SLC2A13: variants seen among roughly 807,000 people sequenced by gnomAD.
SLC2A13 encodes the protein solute carrier family 2 member 13.
A neutral mutation model predicts 64.4 loss-of-function variants in SLC2A13; 32 were observed. That is an observed-to-expected ratio of 0.50 (90% confidence interval 0.37 to 0.67). The LOEUF is 0.67. Among genes scored for constraint, SLC2A13 ranks in the 30% least tolerant of loss-of-function variants. The pLI is 0.00. For missense variants in SLC2A13, 743 were observed against 829.2 expected, an observed-to-expected ratio of 0.90 and a Z score of 1.28; for synonymous variants, 338 against 327.1, an observed-to-expected ratio of 1.03 and a Z score of -0.36.
intron 7 of SLC2A13, among the ~76,000 whole-genome samples, chr12:39,813,049 T>C (rs1942236963): frequency 8.5e-6 from 1 of 117,080 alleles, no homozygotes; most frequent in Non-Finnish European, 1.7e-5. Flanking sequence ...TTCACCATGT[T>C]GGCCACGCTG....
chr12:39,997,627 G>A (rs1455215027), intron 3 of SLC2A13, among the ~76,000 whole-genome samples: 8 of 152,074 alleles, frequency 5.3e-5, no homozygotes, highest in South Asian at 2.1e-4. Context: ...TCAAGAGATC[G>A]AGACCATCCT....
rs537143795 is a variant in SLC2A13, at chr12:39,786,116, G to A, written c.1446-21258C>T. Among the ~76,000 whole-genome samples, 6 of 151,960 alleles carry A rather than the reference G, an allele frequency of 3.9e-5. No individual in the cohort carries two copies. In the East Asian group the frequency reaches 9.7e-4, roughly 25 times the overall value. ...AATGTGAGGACATGAGATTTGGAGG[G>A]GCCAGGGGCGGAATGATGTGCTTTG... On this transcript the variant is annotated intron_variant, in intron 7 of 9. Coordinates refer to ENST00000280871, the MANE Select transcript of SLC2A13 (RefSeq NM_052885.4).
chr12:40,105,508 C>T lies in SLC2A13; in HGVS notation c.301G>A (p.Val101Met), dbSNP rs751930298. ...GGFLFGYDTG[V>M]VSGAMLLLKR... Reference sequence around the variant, plus strand: ...AGCAGCAGCATGGCCCCTGACACCACCCCGGTGTCATAGCCAAACAGGAAG... The same window carrying T: ...AGCAGCAGCATGGCCCCTGACACCATCCCGGTGTCATAGCCAAACAGGAAG... The change falls in exon 1 of 10, where the codon GTG (valine) becomes ATG (methionine). Residue 101 changes from valine to methionine, a missense_variant. This residue lies in a region of SLC2A13 where 448 missense variants were observed against 447.4 expected (regional missense o/e 1.00). Coordinates refer to ENST00000280871, the MANE Select transcript of SLC2A13 (RefSeq NM_052885.4). The surrounding 1 kb of genome is among the most constrained non-coding windows in gnomAD (Gnocchi z 4.2). The T allele has an allele frequency of 7.6e-6, 12 of 1,579,506 alleles. No individual in the cohort carries two copies. The East Asian group carries it at 1.2e-4, about 16-fold the overall frequency.
intron 4 of SLC2A13, among the ~76,000 whole-genome samples, chr12:39,913,594 T>G: frequency 6.6e-6 from 1 of 151,536 alleles, no homozygotes; most frequent in East Asian, 1.9e-4. Flanking sequence ...TACATAAGTA[T>G]TAACCAAATG....
intron 7 of SLC2A13, among the ~76,000 whole-genome samples, chr12:39,813,560 T>G (rs1402996224): frequency 1.3e-5 from 2 of 152,128 alleles, no homozygotes; most frequent in African/African-American, 4.8e-5. Context: ...ACCTGAAAAA[T>G]TAACAATAAT....
intron 6 of SLC2A13, among the ~76,000 whole-genome samples, chr12:39,846,054 G>GT (rs1416953568): frequency 6.6e-6 from 1 of 152,048 alleles, no homozygotes; most frequent in Non-Finnish European, 1.5e-5. Context: ...TTTTTCTCAT[G>GT]TTCATCTACC....
At chr12:39,868,100 A>T (rs1943953292) in intron 5 of SLC2A13, among the ~76,000 whole-genome samples, 1 of 152,218 alleles carries the variant, frequency 6.6e-6, no homozygotes, top group South Asian at 2.1e-4. Flanking sequence ...ATTTAAAATC[A>T]ATCTGGTTAT....
At chr12:39,997,180 A>C (rs1175645673) in intron 3 of SLC2A13, among the ~76,000 whole-genome samples, 1 of 152,208 alleles carries the variant, frequency 6.6e-6, no homozygotes, top group Non-Finnish European at 1.5e-5. Context: ...ACCAGTATAA[A>C]AATAAGCACA....
chr12:40,006,997 G>GTGACCCA (rs1317402143), intron 3 of SLC2A13, among the ~76,000 whole-genome samples: 1 of 152,132 alleles, frequency 6.6e-6, no homozygotes, highest in Non-Finnish European at 1.5e-5. Flanking sequence ...TCACTAATCA[G>GTGACCCA]TTTATTTATT....
chr12:39,947,899 A>G (rs1946165983), intron 4 of SLC2A13, among the ~76,000 whole-genome samples: 1 of 152,044 alleles, frequency 6.6e-6, no homozygotes, highest in Non-Finnish European at 1.5e-5. Context: ...TGACTTCATG[A>G]TCTGCCCACC....
intron 2 of SLC2A13, among the ~76,000 whole-genome samples, chr12:40,045,329 C>T (rs1948154119): frequency 6.6e-6 from 1 of 151,900 alleles, no homozygotes; most frequent in African/African-American, 2.4e-5. Flanking sequence ...TTTAGACCCA[C>T]ATTTTCCTTC....
chr12:40,064,890 T>C (rs772588345), intron 1 of SLC2A13, among the ~76,000 whole-genome samples: 2 of 152,150 alleles, frequency 1.3e-5, no homozygotes, highest in Non-Finnish European at 2.9e-5. Context: ...AAATTGATCA[T>C]TTCAAAGAAA....
intron 4 of SLC2A13, among the ~76,000 whole-genome samples, chr12:39,943,826 G>A (rs751618029): frequency 1.3e-5 from 2 of 152,182 alleles, no homozygotes; most frequent in African/African-American, 2.4e-5. Flanking sequence ...CCGCAGACCA[G>A]GAGATTCCCT....
intron 4 of SLC2A13, among the ~76,000 whole-genome samples, chr12:39,893,147 T>C (rs1944653084): frequency 6.6e-6 from 1 of 152,178 alleles, no homozygotes; most frequent in African/African-American, 2.4e-5. Context: ...TTATCAAAAA[T>C]AAGAAAGCAA....
chr12:39,872,065 A>C, intron 4 of SLC2A13, 104 bp from the exon 5 acceptor site: 2 of 914,736 alleles, frequency 2.2e-6, no homozygotes, highest in Non-Finnish European at 3.0e-6. Context: ...TATAAGGAGA[A>C]CTACAGTAAT....
chr12:40,004,016 T>C (rs1173921029), intron 3 of SLC2A13, among the ~76,000 whole-genome samples: 1 of 150,736 alleles, frequency 6.6e-6, no homozygotes, highest in East Asian at 2.0e-4. Flanking sequence ...AAACAAAAAA[T>C]TCCTCCCAAA....
chr12:40,098,122 T>TA (rs1239786299), intron 1 of SLC2A13, among the ~76,000 whole-genome samples: 1 of 151,908 alleles, frequency 6.6e-6, no homozygotes, highest in Non-Finnish European at 1.5e-5. Flanking sequence ...TGTGTGTATA[T>TA]ATAGGTGTGT....
intron 1 of SLC2A13, among the ~76,000 whole-genome samples, chr12:40,062,956 T>A (rs1190625238): frequency 6.6e-6 from 1 of 152,152 alleles, no homozygotes; most frequent in African/African-American, 2.4e-5. Context: ...ATACCATTTT[T>A]CTGGTATCTA....
chr12:39,887,285 C>A (rs986508337), intron 4 of SLC2A13, among the ~76,000 whole-genome samples: 4 of 152,060 alleles, frequency 2.6e-5, no homozygotes, highest in Admixed American at 1.3e-4. Flanking sequence ...AGTTAGACAC[C>A]TCCAGAGATG....
Sources: gnomAD v4.1 joint callset for allele counts (sites outside exome capture counted in the v4.1 genomes callset) on GRCh38, gnomAD v4.1.1 for gene constraint, gnomAD v4.1.1 regional missense constraint, Gnocchi (gnomAD v3.1) non-coding constraint, MANE v1.5 for transcripts, NCBI Gene and HGNC (gene_info 2026-07-23, HGNC 2026-07-21) for gene names.